Variants in ALCAM observed in about 807,000 individuals in gnomAD.
The protein encoded by ALCAM is CD166 antigen.
Under a neutral mutation model 70.9 loss-of-function variants are expected in ALCAM, and 30 were observed. That is an observed-to-expected ratio of 0.42 (90% CI 0.32 to 0.57). The LOEUF (loss-of-function observed/expected upper bound fraction) is 0.57, where lower values mean the gene tolerates loss of function less well. ALCAM is among the 20% of genes least tolerant of loss of function. ALCAM has a pLI of 0.11. For synonymous variants in ALCAM, 249 were observed against 242.5 expected (o/e 1.03, Z -0.25); for missense variants, 591 against 695.1 (o/e 0.85, Z 1.68).
At chr3:105,378,236 A>ATATG (rs550129764) in intron 1 of ALCAM, among the ~76,000 whole-genome samples, 2,052 of 151,898 alleles carry the variant, frequency 0.014, 23 homozygotes, top group South Asian at 0.045. Flanking sequence ...ATATATATAT[A>ATATG]GTTTTGAAAA....
chr3:105,512,608 A>G (rs963096359), intron 1 of ALCAM, among the ~76,000 whole-genome samples: 4 of 151,940 alleles, frequency 2.6e-5, no homozygotes, highest in Non-Finnish European at 4.4e-5. Context: ...TATTTCAAAT[A>G]TAAGTTTCTA....
intron 1 of ALCAM, among the ~76,000 whole-genome samples, chr3:105,412,407 A>C (rs1239204179): frequency 6.6e-6 from 1 of 152,124 alleles, no homozygotes; most frequent in Non-Finnish European, 1.5e-5. Flanking sequence ...AGTACTTGAA[A>C]TTTAAGCAGA....
intron 1 of ALCAM, among the ~76,000 whole-genome samples, chr3:105,385,577 C>T (rs896095367): frequency 2.0e-5 from 3 of 151,670 alleles, no homozygotes; most frequent in South Asian, 4.1e-4. Flanking sequence ...AATCTCTTCT[C>T]GATAACTAAC....
In ALCAM at chr3:105,552,443, C is replaced by G. The variant is rs746611761; in HGVS notation, c.1547-25C>G. On this transcript the variant is annotated intron_variant, in intron 13 of 15. Coordinates refer to ENST00000306107, the MANE Select transcript of ALCAM (RefSeq NM_001627.4). ...AAATCCTTGGCATTGTCTGTAATTG[C>G]ATGGACTTTTCTTCTTTGTTGCAGA... The G allele has an allele frequency of 6.9e-6, 11 of 1,602,004 alleles. No homozygotes were observed. The Admixed American group carries it at 1.0e-4, about 15-fold the overall frequency.
intron 1 of ALCAM, among the ~76,000 whole-genome samples, chr3:105,394,309 C>G (rs151303280): frequency 0.013 from 1,929 of 152,024 alleles, 28 homozygotes; most frequent in Non-Finnish European, 0.018. Flanking sequence ...GAAGGACATA[C>G]ATAGCTACGC....
chr3:105,536,241 A>G (rs1939966252), intron 6 of ALCAM, among the ~76,000 whole-genome samples: 1 of 151,804 alleles, frequency 6.6e-6, no homozygotes, highest in South Asian at 2.1e-4. Context: ...TTAGAAGCGC[A>G]TGCCACCACA....
At chr3:105,550,714 G>A (rs190167821) in intron 12 of ALCAM, among the ~76,000 whole-genome samples, 100 of 151,638 alleles carry the variant, frequency 6.6e-4, no homozygotes, top group African/African-American at 2.3e-3. Flanking sequence ...AATGCCACAA[G>A]CTTAAAGTCA....
intron 1 of ALCAM, among the ~76,000 whole-genome samples, chr3:105,431,908 G>A (rs6804574): frequency 0.16 from 23,721 of 152,068 alleles, 2,110 homozygotes; most frequent in Non-Finnish European, 0.21. Flanking sequence ...ACTCATTTTA[G>A]ATTATAATGA....
chr3:105,456,354 G>A (rs576343774), intron 1 of ALCAM, among the ~76,000 whole-genome samples: 98 of 152,136 alleles, frequency 6.4e-4, no homozygotes, highest in Non-Finnish European at 1.2e-3. Flanking sequence ...CATCAGAATG[G>A]CTTCAAAAGT....
At chr3:105,395,586 T>C (rs1935930090) in intron 1 of ALCAM, among the ~76,000 whole-genome samples, 1 of 152,038 alleles carries the variant, frequency 6.6e-6, no homozygotes, top group Non-Finnish European at 1.5e-5. Flanking sequence ...TAATTCAATA[T>C]GACTTATGAC....
intron 1 of ALCAM, among the ~76,000 whole-genome samples, chr3:105,504,253 ATCGCAGTG>A (rs1939002034): frequency 6.6e-6 from 1 of 152,182 alleles, no homozygotes; most frequent in Non-Finnish European, 1.5e-5. Context: ...CTCCGACCCT[ATCGCAGTG>A]TCTTGTGCTC....
intron 9 of ALCAM, 68 bp from the exon 10 acceptor site, chr3:105,547,081 A>G: frequency 7.7e-7 from 1 of 1,299,720 alleles, no homozygotes; most frequent in Non-Finnish European, 1.0e-6. Flanking sequence ...AGGCTTAATT[A>G]TTATCTAATA....
rs1276836303 is a variant in ALCAM at position 105,547,177 on chromosome 3, C to T, written c.1133C>T (p.Ser378Leu). 1 of 1,601,928 alleles carries T rather than the reference C, an allele frequency of 6.2e-7. No individual in the cohort carries two copies. The highest frequency in any genetic ancestry group is 8.5e-7 in the Non-Finnish European group (1 of 1,175,136). Residue 378 changes from serine to leucine, a missense_variant, in exon 10 of 16, where the codon TCA (serine) becomes TTA (leucine). By Grantham distance (145) the Ser-to-Leu change is moderately radical. This residue lies in a region of ALCAM where 164 missense variants were observed against 244.7 expected (regional missense o/e 0.67). Coordinates refer to ENST00000306107, the MANE Select transcript of ALCAM (RefSeq NM_001627.4). Reference protein sequence around the residue: ...KDNIRLRSSPSFSSLHYQDAG... With the variant: ...KDNIRLRSSPLFSSLHYQDAG... ...AACATCAGGCTTCGATCTAGCCCGTCATTTTCTAGTCTTCATTATCAGGAT... is the reference window on the plus strand; with the variant it reads ...AACATCAGGCTTCGATCTAGCCCGTTATTTTCTAGTCTTCATTATCAGGAT...
chr3:105,395,800 C>T (rs1373803764), intron 1 of ALCAM, among the ~76,000 whole-genome samples: 2 of 152,028 alleles, frequency 1.3e-5, no homozygotes, highest in East Asian at 1.9e-4. Flanking sequence ...CTGTCTGTCT[C>T]AATTCCTCAG....
chr3:105,501,545 A>T (rs1938921967), intron 1 of ALCAM, among the ~76,000 whole-genome samples: 1 of 152,208 alleles, frequency 6.6e-6, no homozygotes, highest in Admixed American at 6.5e-5. Context: ...AAAATAATTT[A>T]AAAATAAAAA....
chr3:105,399,877 G>A (rs1360541888), intron 1 of ALCAM, among the ~76,000 whole-genome samples: 2 of 152,108 alleles, frequency 1.3e-5, no homozygotes, highest in Non-Finnish European at 2.9e-5. Flanking sequence ...TTACCCACTG[G>A]CTAAGATTAA....
At chr3:105,421,220 A>G (rs1020377675) in intron 1 of ALCAM, among the ~76,000 whole-genome samples, 1 of 151,512 alleles carries the variant, frequency 6.6e-6, no homozygotes, top group African/African-American at 2.4e-5. Flanking sequence ...TTCCATTTAC[A>G]CAGTTAATAA....
chr3:105,373,225 T>C (rs1181613080), intron 1 of ALCAM, among the ~76,000 whole-genome samples: 4 of 152,260 alleles, frequency 2.6e-5, no homozygotes, highest in South Asian at 4.1e-4. Flanking sequence ...TAATGGATTA[T>C]GGGGTTACAG....
chr3:105,478,511 C>T (rs930657426), intron 1 of ALCAM, among the ~76,000 whole-genome samples: 1 of 152,124 alleles, frequency 6.6e-6, no homozygotes, highest in Admixed American at 6.6e-5. Context: ...ACTCCCAGTG[C>T]AGTCCATACA....
Sources: gnomAD v4.1 joint callset for allele counts (sites outside exome capture counted in the v4.1 genomes callset) on GRCh38, gnomAD v4.1.1 for gene constraint, gnomAD v4.1.1 regional missense constraint, MANE v1.5 for transcripts, NCBI Gene and HGNC (gene_info 2026-07-23, HGNC 2026-07-21) for gene names.